The following MBNL2 variants were observed in gnomAD, a reference collection of about 807,000 sequenced individuals.
The protein encoded by MBNL2 is muscleblind-like protein 2.
Under a neutral mutation model 41.9 loss-of-function variants are expected in MBNL2, and 17 were observed. The observed-to-expected ratio is 0.41, with a 90% CI of 0.28 to 0.61. MBNL2 has a LOEUF of 0.61. Ranked by LOEUF, MBNL2 falls within the 20% of genes least tolerant of loss-of-function variation. The probability of loss-of-function intolerance (pLI) is 0.35; values close to 1 mark genes in which losing one functional copy is unlikely to be tolerated. For missense variants in MBNL2, 336 were observed against 505.6 expected, an observed-to-expected ratio of 0.66 and a Z score of 3.22; for synonymous variants, 195 against 182.9, an observed-to-expected ratio of 1.07 and a Z score of -0.53.
intron 1 of MBNL2, among the ~76,000 whole-genome samples, chr13:97,227,124 TA>T (rs1183529308): frequency 1.3e-5 from 2 of 152,086 alleles, no homozygotes; most frequent in African/African-American, 4.8e-5. Flanking sequence ...TTGTTGGTTT[TA>T]CCCTAACATC....
At chr13:97,196,149 G>A in the MBNL2 span, among the ~76,000 whole-genome samples, 4 of 152,108 alleles carry the variant, frequency 2.6e-5, no homozygotes, top group Non-Finnish European at 5.9e-5. Flanking sequence ...TCCTCTGTGG[G>A]CAAGGTAGAA....
the MBNL2 span, among the ~76,000 whole-genome samples, chr13:97,197,608 T>A: frequency 6.6e-6 from 1 of 152,216 alleles, no homozygotes; most frequent in Non-Finnish European, 1.5e-5. Flanking sequence ...GCTTTCTTTC[T>A]CTTATTTAAT....
chr13:97,302,242 G>C (rs1006233685), intron 2 of MBNL2, among the ~76,000 whole-genome samples: 18 of 152,288 alleles, frequency 1.2e-4, no homozygotes, highest in Admixed American at 1.1e-3. Context: ...CTTTTCTCTA[G>C]AAGTGGCTCA....
At chr13:97,187,011 C>T in the MBNL2 span, among the ~76,000 whole-genome samples, 1 of 152,276 alleles carries the variant, frequency 6.6e-6, no homozygotes, top group South Asian at 2.1e-4. Flanking sequence ...TATTGCCACC[C>T]TCAAAATAGT....
intron 1 of MBNL2, among the ~76,000 whole-genome samples, chr13:97,233,276 C>T (rs1337036625): frequency 7.0e-6 from 1 of 143,632 alleles, no homozygotes; most frequent in Non-Finnish European, 1.5e-5. Context: ...CCTATTAACT[C>T]GTCATTTACA....
chr13:97,250,027 GTTC>G (rs2046221484), intron 1 of MBNL2, among the ~76,000 whole-genome samples: 1 of 152,160 alleles, frequency 6.6e-6, no homozygotes, highest in South Asian at 2.1e-4. Context: ...AGTCTGGTTG[GTTC>G]TTCTTTCTCA....
intron 5 of MBNL2, among the ~76,000 whole-genome samples, chr13:97,351,535 T>G (rs998562943): frequency 6.6e-6 from 1 of 152,242 alleles, no homozygotes; most frequent in African/African-American, 2.4e-5. Context: ...ATCAGTGATC[T>G]TAGCTAGATC....
At chr13:97,177,575 A>G in the MBNL2 span, among the ~76,000 whole-genome samples, 1 of 152,246 alleles carries the variant, frequency 6.6e-6, no homozygotes, top group Non-Finnish European at 1.5e-5. Flanking sequence ...AGACCAATGC[A>G]TTAGGTCCAA....
rs559911519 is a variant in MBNL2, at chr13:97,349,590, C to T, written c.804+2523C>T. 3.9e-5 allele frequency among the ~76,000 whole-genome samples: 6 copies of T among 152,192 alleles called. No individual in the cohort carries two copies. In the South Asian group the frequency reaches 1.0e-3, roughly 26 times the overall value. Reference sequence around the variant, plus strand: ...TCACCCAGGTTGGAGTGCAGTGGTGCGATCTTGGCTCACTGGAGCCTCCGC... The same window carrying T: ...TCACCCAGGTTGGAGTGCAGTGGTGTGATCTTGGCTCACTGGAGCCTCCGC... On this transcript the variant is annotated intron_variant, in intron 5 of 8. Coordinates refer to ENST00000679496, the MANE Select transcript of MBNL2 (RefSeq NM_001382683.1).
chr13:97,345,025 T>C (rs2061724756), intron 4 of MBNL2, among the ~76,000 whole-genome samples: 1 of 146,826 alleles, frequency 6.8e-6, no homozygotes, highest in Non-Finnish European at 1.5e-5. Context: ...GGGAACATCT[T>C]AGTGATTTAT....
the MBNL2 span, among the ~76,000 whole-genome samples, chr13:97,145,201 C>A: frequency 6.6e-6 from 1 of 152,134 alleles, no homozygotes; most frequent in African/African-American, 2.4e-5. Context: ...TGTGGAAGGA[C>A]TGTAAAATTA....
chr13:97,358,501 C>A (rs1202814820), intron 7 of MBNL2, among the ~76,000 whole-genome samples: 1 of 152,068 alleles, frequency 6.6e-6, no homozygotes, highest in East Asian at 1.9e-4. Flanking sequence ...AAATAACTGA[C>A]CCCAAAAAGT....
chr13:97,244,542 A>G (rs866592805), intron 1 of MBNL2, among the ~76,000 whole-genome samples: 1 of 152,212 alleles, frequency 6.6e-6, no homozygotes, highest in Non-Finnish European at 1.5e-5. Context: ...GACTTTTTTC[A>G]TGTATGAACA....
At chr13:97,287,308 G>C (rs769799285) in intron 2 of MBNL2, among the ~76,000 whole-genome samples, 2 of 152,116 alleles carry the variant, frequency 1.3e-5, no homozygotes, top group Non-Finnish European at 2.9e-5. Context: ...GCTGGTGTTT[G>C]ATAAAATCTT....
At chr13:97,370,676 A>AGAAAG (rs1555320977) in intron 8 of MBNL2, among the ~76,000 whole-genome samples, 37 of 151,668 alleles carry the variant, frequency 2.4e-4, no homozygotes, top group African/African-American at 8.2e-4. Flanking sequence ...TCAAAAAAAA[A>AGAAAG]AAAGAAAGAA....
chr13:97,189,765 G>A, the MBNL2 span, among the ~76,000 whole-genome samples: 4 of 152,196 alleles, frequency 2.6e-5, no homozygotes, highest in South Asian at 4.1e-4. Context: ...TACAGAACTC[G>A]CGGTACACAC....
At chr13:97,363,690 T>C (rs969762773) in intron 7 of MBNL2, among the ~76,000 whole-genome samples, 2 of 152,102 alleles carry the variant, frequency 1.3e-5, no homozygotes, top group East Asian at 1.9e-4. Context: ...TAAACATTTA[T>C]GTGTAGGTAG....
chr13:97,381,252 C>T (rs1245709407), intron 8 of MBNL2, among the ~76,000 whole-genome samples: 3 of 152,130 alleles, frequency 2.0e-5, no homozygotes, highest in Non-Finnish European at 2.9e-5. Context: ...TGACGATACA[C>T]AAAGACACAT....
At chr13:97,208,515 A>T in the MBNL2 span, among the ~76,000 whole-genome samples, 1 of 152,172 alleles carries the variant, frequency 6.6e-6, no homozygotes, top group Non-Finnish European at 1.5e-5. Flanking sequence ...TGATTCATGG[A>T]TTTCTCTAAT....
Sources: gnomAD v4.1 joint callset for allele counts (sites outside exome capture counted in the v4.1 genomes callset) on GRCh38, gnomAD v4.1.1 for gene constraint, MANE v1.5 for transcripts, NCBI Gene and HGNC (gene_info 2026-07-23, HGNC 2026-07-21) for gene names.